The following SPDYE1 variants were observed in gnomAD, a reference collection of about 807,000 sequenced individuals.
The protein encoded by SPDYE1 is speedy protein E1.
SPDYE1 carries 29 observed loss-of-function variants against 45.9 expected under a neutral mutation model. The observed-to-expected ratio is 0.63, with a 90% CI of 0.47 to 0.86. The LOEUF is 0.86. SPDYE1 is among the 40% of genes least tolerant of loss of function. The probability of loss-of-function intolerance (pLI) is 0.00; values close to 1 mark genes in which losing one functional copy is unlikely to be tolerated. For missense variants in SPDYE1, 346 were observed against 481.4 expected, an observed-to-expected ratio of 0.72 and a Z score of 2.63; for synonymous variants, 134 against 176.8, an observed-to-expected ratio of 0.76 and a Z score of 1.92.
Position 44,007,855 on chromosome 7 carries a change from C to T in SPDYE1, c.*45+42C>T. 4 of 1,590,410 alleles carry T rather than the reference C, an allele frequency of 2.5e-6. No individual in the cohort carries two copies. In the South Asian group the frequency reaches 4.4e-5, roughly 18 times the overall value. On this transcript the variant is annotated intron_variant, in intron 8 of 8. Transcript: ENST00000693451. ...CGGGGTAAAGGCAGAATATTGGGGT[C>T]TATTTCGGAAATCCGAAGAACCCAA...
chr7:44,007,159 C>A, intron 6 of SPDYE1, 109 bp from the exon 7 acceptor site: 1 of 1,599,942 alleles, frequency 6.3e-7, no homozygotes, highest in Admixed American at 1.7e-5. Flanking sequence ...AGGGTGGGTG[C>A]CAGTCCTGAG....
chr7:44,007,134 G>A, intron 6 of SPDYE1, 134 bp from the exon 7 acceptor site: 3 of 1,570,796 alleles, frequency 1.9e-6, no homozygotes, highest in Non-Finnish European at 2.6e-6. Flanking sequence ...TCCTGAGGAA[G>A]GCATGGCTCT....
At chr7:44,006,903 C>T (rs1195946935) in intron 6 of SPDYE1, among the ~76,000 whole-genome samples, 2 of 152,208 alleles carry the variant, frequency 1.3e-5, no homozygotes, top group African/African-American at 4.8e-5. Flanking sequence ...CATGAGCCAC[C>T]GTGTCTGGCA....
intron 2 of SPDYE1, among the ~76,000 whole-genome samples, chr7:44,000,492 G>T (rs1424569282): frequency 6.9e-6 from 1 of 145,548 alleles, no homozygotes; most frequent in Non-Finnish European, 1.5e-5. Flanking sequence ...GGGTGTGTGG[G>T]AAGAATGGAG....
rs1181456580 is a variant in SPDYE1 at position 44,009,899 on chromosome 7, T to C, written c.*1278T>C. 6 of 152,158 alleles carry C rather than the reference T, an allele frequency of 3.9e-5. No homozygotes were observed. Among genetic ancestry groups the C allele is most frequent in the East Asian group, 1.9e-4 (1 of 5,188 alleles). The allele number at this position is 152,158 out of a possible 1,614,324, so 9.4% of individuals were successfully genotyped here. On this transcript the variant is annotated 3_prime_UTR_variant, in exon 9 of 9. Transcript: ENST00000693451. ...CATATATATTACATTTATAGCTATG[T>C]AGTAGTTCCCCTAAATTCTTGTAAA... is the stretch of plus-strand genomic sequence containing the variant.
Position 44,007,508 on chromosome 7 carries a change from C to A in SPDYE1, c.993C>A (p.Val331=), listed in dbSNP as rs368777784. 3.0e-5 allele frequency: 48 copies of A among 1,613,828 alleles called. No individual in the cohort carries two copies. The highest frequency in any genetic ancestry group is 3.6e-5 in the Non-Finnish European group (42 of 1,180,052). ...CCAGGAAGAACCGCTCTCAGATAGT[C>A]CTGTTCCAGAAACGTCGGTTCCACT... ...PRARKNRSQI[V]LFQKRRFHFF... The change falls in exon 7 of 9, where the codon GTC becomes GTA. Residue 331 remains valine (V), a synonymous_variant. Coordinates refer to ENST00000693451, the MANE Select transcript of SPDYE1 (RefSeq NM_001378423.2).
intron 1 of SPDYE1, among the ~76,000 whole-genome samples, chr7:43,998,606 A>T (rs2096058530): frequency 3.9e-5 from 4 of 101,842 alleles, no homozygotes; most frequent in Non-Finnish European, 6.0e-5. Context: ...TGAGCCACTG[A>T]GCCCAGCCGG....
chr7:44,001,569 G>T (rs1255062438), intron 3 of SPDYE1, among the ~76,000 whole-genome samples: 1 of 152,074 alleles, frequency 6.6e-6, no homozygotes, highest in African/African-American at 2.4e-5. Context: ...CAAGAGGACT[G>T]CTTGAACTCA....
rs151274031 is a variant in SPDYE1, at chr7:44,002,726, G to A, written c.516G>A (p.Ala172=). 897 of 1,590,490 alleles carry A rather than the reference G, an allele frequency of 5.6e-4. 4 individuals are homozygous for A. In the African/African-American group the frequency reaches 0.01, roughly 19 times the overall value. ...CTGAGCCTGAGGAGATCTGGGTGGC[G>A]GAGATGCTGTGTGGCCTCAAGATGA... ...LAPEPEEIWV[A]EMLCGLKMKL... The change falls in exon 4 of 9, where the codon GCG becomes GCA. Residue 172 remains alanine (A), a synonymous_variant. Coordinates refer to ENST00000693451, the MANE Select transcript of SPDYE1 (RefSeq NM_001378423.2).
At chr7:44,007,028 G>A (rs1176999324) in intron 6 of SPDYE1, among the ~76,000 whole-genome samples, 1 of 152,214 alleles carries the variant, frequency 6.6e-6, no homozygotes, top group African/African-American at 2.4e-5. Flanking sequence ...TGGGATTCCA[G>A]GCGTAAGCCA....
In SPDYE1 at chr7:44,002,685, C is replaced by A. The variant is rs769971247; in HGVS notation, c.475C>A (p.Arg159=). The stretch of plus-strand genomic sequence containing the variant: ...ATCTGAGGAGTCGGAGGAGGAGCCA[C>A]GGAAGGTGCTCGCCCCTGAGCCTGA... ...DKSEESEEEP[R]KVLAPEPEEI... is the part of the protein sequence containing the mutation. Residue 159 remains arginine (R), a synonymous_variant, in exon 4 of 9, where the codon CGG becomes AGG. Transcript: ENST00000693451. 2 of 1,597,280 alleles carry A rather than the reference C, an allele frequency of 1.3e-6. No individual in the cohort carries two copies. The highest frequency in any genetic ancestry group is 1.7e-6 in the Non-Finnish European group (2 of 1,179,880).
chr7:44,002,354 C>T (rs2096064719), intron 3 of SPDYE1, among the ~76,000 whole-genome samples: 1 of 126,150 alleles, frequency 7.9e-6, no homozygotes, highest in Admixed American at 8.5e-5. Flanking sequence ...ACTCAGAGAG[C>T]CAGGGACCAG....
At chr7:44,007,231 T>C in intron 6 of SPDYE1, 37 bp from the exon 7 acceptor site, 3 of 1,612,160 alleles carry the variant, frequency 1.9e-6, no homozygotes, top group African/African-American at 1.3e-5. Flanking sequence ...TCTCTCCTGG[T>C]GGTGCCCCTG....
At position 44,007,452 on chromosome 7, in the gene SPDYE1, T is replaced by A. The variant is rs143099892; in HGVS notation, c.937T>A (p.Phe313Ile). 92 of 1,572,864 alleles carry A rather than the reference T, an allele frequency of 5.8e-5. No homozygotes were observed. In the African/African-American group the frequency reaches 1.1e-3, roughly 19 times the overall value. The change falls in exon 7 of 9, where the codon TTC (phenylalanine) becomes ATC (isoleucine). Residue 313 changes from phenylalanine to isoleucine, a missense_variant. Physicochemically the swap from Phe to Ile is conservative, Grantham distance 21. This residue lies in a region of SPDYE1 where 186 missense variants were observed against 219.1 expected (regional missense o/e 0.85). Transcript: ENST00000693451. ...SHIPLVRKRR[F>I]QLRRCMNPRA... is the part of the protein sequence containing the mutation. ...CATACCCTTGGTCCGTAAGCGTCGG[T>A]TCCAGTTACGCCGTTGCATGAACCC...
chr7:44,008,879 A>G lies in SPDYE1; in HGVS notation c.*258A>G. 1 of 525,918 alleles carries G rather than the reference A, an allele frequency of 1.9e-6. No homozygotes were observed. The highest frequency in any genetic ancestry group is 1.4e-5 in the South Asian group (1 of 71,468). The allele number at this position is 525,918 out of a possible 1,614,324, so 32.6% of individuals were successfully genotyped here. A position where few individuals can be genotyped will look rare whatever the true frequency, so the allele number is the denominator to read the frequency against. Reference sequence around the variant, plus strand: ...GGTCCTTCTAGGAGTCCTTGGAGAAAAGTAAGAAACCAGGAGTGTTTCCAG... The same window carrying G: ...GGTCCTTCTAGGAGTCCTTGGAGAAGAGTAAGAAACCAGGAGTGTTTCCAG... On this transcript the variant is annotated 3_prime_UTR_variant, in exon 9 of 9. Coordinates refer to ENST00000693451, the MANE Select transcript of SPDYE1 (RefSeq NM_001378423.2).
intron 6 of SPDYE1, chr7:44,007,042 C>T (rs1184076325): frequency 5.0e-6 from 6 of 1,198,960 alleles, no homozygotes; most frequent in Non-Finnish European, 6.8e-6. Flanking sequence ...TAAGCCACCA[C>T]TCTTGGCCAC....
chr7:43,998,108 G>A (rs2595621), intron 1 of SPDYE1, among the ~76,000 whole-genome samples, 149 bp downstream of exon 1: 1 of 151,894 alleles, frequency 6.6e-6, no homozygotes, highest in South Asian at 2.1e-4. Flanking sequence ...GAGAGCAAAC[G>A]ATTTTGTTGT....
In SPDYE1 at chr7:44,005,109, C is replaced by T. The variant is rs745755986; in HGVS notation, c.667-33C>T. ...CAATCTTCCTCTTCCAAGATGTGAC[C>T]TCTCCCTCTCTGTGTTCCTTTCTCT... On this transcript the variant is annotated intron_variant, in intron 5 of 8. Coordinates refer to ENST00000693451, the MANE Select transcript of SPDYE1 (RefSeq NM_001378423.2). 6.2e-6 allele frequency: 10 copies of T among 1,609,426 alleles called. No individual in the cohort carries two copies. The Admixed American group carries it at 1.5e-4, about 24-fold the overall frequency.
chr7:44,007,151 G>A (rs1489253501), intron 6 of SPDYE1, 117 bp from the exon 7 acceptor site: 22 of 1,593,892 alleles, frequency 1.4e-5, no homozygotes, highest in African/African-American at 8.0e-5. Flanking sequence ...CTCTCTGCAG[G>A]GTGGGTGCCA....
Sources: allele counts gnomAD v4.1 joint callset (sites outside exome capture counted in the v4.1 genomes callset), GRCh38; gene constraint gnomAD v4.1.1; regional missense constraint gnomAD v4.1.1; transcripts MANE v1.5; gene names NCBI Gene and HGNC (gene_info 2026-07-23, HGNC 2026-07-21).